Variants in PDE7B observed in about 807,000 individuals in gnomAD.
PDE7B encodes 3',5'-cyclic-AMP phosphodiesterase 7B.
PDE7B carries 29 observed loss-of-function variants against 56.2 expected under a neutral mutation model. The ratio of observed to expected loss-of-function variants is 0.52; its 90% CI spans 0.38 to 0.70. The LOEUF is 0.70. Ranked by LOEUF, PDE7B falls within the 30% of genes least tolerant of loss-of-function variation. The pLI is 0.00. For synonymous variants in PDE7B, 197 were observed against 196.9 expected, an observed-to-expected ratio of 1.00 and a Z score of 0.00; for missense variants, 490 against 565.0, an observed-to-expected ratio of 0.87 and a Z score of 1.35.
At chr6:135,892,447 T>G (rs1348847872) in intron 1 of PDE7B, among the ~76,000 whole-genome samples, 1 of 152,206 alleles carries the variant, frequency 6.6e-6, no homozygotes, top group Non-Finnish European at 1.5e-5. Context: ...TTGATCCATA[T>G]GACCATATGA....
intron 1 of PDE7B, among the ~76,000 whole-genome samples, chr6:135,867,609 G>A (rs1374735286): frequency 1.3e-5 from 2 of 152,094 alleles, no homozygotes; most frequent in Admixed American, 1.3e-4. Context: ...GTAGGCCCCA[G>A]TGTGCACTGT....
At chr6:136,020,006 T>C (rs1489062208) in intron 2 of PDE7B, among the ~76,000 whole-genome samples, 1 of 152,168 alleles carries the variant, frequency 6.6e-6, no homozygotes, top group Non-Finnish European at 1.5e-5. Flanking sequence ...ACCTATGTTA[T>C]TCAAGGGTCA....
chr6:135,918,717 G>T (rs1774005628), intron 1 of PDE7B, among the ~76,000 whole-genome samples: 1 of 152,060 alleles, frequency 6.6e-6, no homozygotes, highest in African/African-American at 2.4e-5. Flanking sequence ...AGCTCCTGTG[G>T]GTGACTTATG....
intron 11 of PDE7B, among the ~76,000 whole-genome samples, chr6:136,181,761 TAA>T (rs534092328): frequency 6.9e-6 from 1 of 145,932 alleles, no homozygotes; most frequent in South Asian, 2.2e-4. Flanking sequence ...CTTGCTTTCT[TAA>T]AAAAAAAAAA....
intron 1 of PDE7B, among the ~76,000 whole-genome samples, chr6:135,922,292 G>A (rs975832814): frequency 6.6e-6 from 1 of 152,140 alleles, no homozygotes; most frequent in African/African-American, 2.4e-5. Flanking sequence ...ATGGGAACCA[G>A]GGAATCATTT....
chr6:136,158,284 A>G (rs1023166543), intron 8 of PDE7B, among the ~76,000 whole-genome samples: 2 of 152,042 alleles, frequency 1.3e-5, no homozygotes, highest in African/African-American at 2.4e-5. Flanking sequence ...AGTTACTCTT[A>G]TCAAATTTTA....
intron 1 of PDE7B, among the ~76,000 whole-genome samples, chr6:135,886,631 C>T (rs1775714410): frequency 6.6e-6 from 1 of 152,098 alleles, no homozygotes; most frequent in South Asian, 2.1e-4. Context: ...TTTGCTTTTC[C>T]ATTCCTGAGC....
chr6:135,969,692 C>T (rs1213263652), intron 2 of PDE7B, among the ~76,000 whole-genome samples: 4 of 152,088 alleles, frequency 2.6e-5, no homozygotes, highest in Admixed American at 2.6e-4. Flanking sequence ...TAGGCAATAC[C>T]ATTCAGGACA....
At chr6:136,056,934 C>T (rs773321479) in intron 2 of PDE7B, among the ~76,000 whole-genome samples, 2 of 152,038 alleles carry the variant, frequency 1.3e-5, no homozygotes, top group Non-Finnish European at 2.9e-5. Flanking sequence ...CCCCTTTGGC[C>T]CTATCATTAG....
At chr6:136,139,017 G>A (rs1202628984) in intron 3 of PDE7B, among the ~76,000 whole-genome samples, 1 of 152,088 alleles carries the variant, frequency 6.6e-6, no homozygotes, top group East Asian at 1.9e-4. Context: ...TGTGCACGAT[G>A]TGCAGGTTTG....
At chr6:136,009,972 CTTGTCTTCTGCTAGCT>C (rs1294284330) in intron 2 of PDE7B, among the ~76,000 whole-genome samples, 2 of 152,254 alleles carry the variant, frequency 1.3e-5, no homozygotes, top group East Asian at 3.9e-4. Context: ...ATTTCGATTA[CTTGTCTTCTGCTAGCT>C]TTGGGGTTGA....
chr6:136,088,992 C>T lies in PDE7B; in HGVS notation c.83-19739C>T, dbSNP rs540268699. Among the ~76,000 whole-genome samples, 21 of 149,698 alleles carry T rather than the reference C, an allele frequency of 1.4e-4. No homozygotes were observed. In the East Asian group the frequency reaches 1.7e-3, roughly 12 times the overall value. Reference sequence around the variant, plus strand: ...ATCCCCAGCCTGTATGCCTTTCCCCCGCCAAAAAAAAAAAGAAACACGGGG... The same window carrying T: ...ATCCCCAGCCTGTATGCCTTTCCCCTGCCAAAAAAAAAAAGAAACACGGGG... On this transcript the variant is annotated intron_variant, in intron 2 of 12. Transcript: ENST00000308191.
intron 1 of PDE7B, among the ~76,000 whole-genome samples, chr6:135,882,291 TACTG>T (rs1372527379): frequency 6.6e-6 from 1 of 152,210 alleles, no homozygotes; most frequent in Non-Finnish European, 1.5e-5. Context: ...TTCCCTGAGT[TACTG>T]ACAGCGCTAA....
chr6:136,004,783 G>A (rs1004570263), intron 2 of PDE7B, among the ~76,000 whole-genome samples: 39 of 152,228 alleles, frequency 2.6e-4, no homozygotes, highest in African/African-American at 8.9e-4. Flanking sequence ...ACTGCCCAAG[G>A]TAATTTATAG....
chr6:135,854,414 ACTCT>A (rs535753090), intron 1 of PDE7B, among the ~76,000 whole-genome samples: 11 of 151,764 alleles, frequency 7.2e-5, no homozygotes, highest in South Asian at 6.3e-4. Context: ...TTGATTGGAA[ACTCT>A]CTATCTACAG....
At position 136,154,161 on chromosome 6, in the gene PDE7B, C is replaced by G; in HGVS notation, c.565C>G (p.Leu189Val). Residue 189 changes from leucine to valine, a missense_variant, in exon 7 of 13, where the codon CTG (leucine) becomes GTG (valine). Physicochemically the swap from Leu to Val is conservative, Grantham distance 32 (BLOSUM62 1). Coordinates refer to ENST00000308191, the MANE Select transcript of PDE7B (RefSeq NM_018945.4). The part of the protein sequence containing the change: ...ADVTQAMHCY[L>V]KEPKLASFLT... Reference sequence around the variant, plus strand: ...CGTCACCCAGGCCATGCACTGCTACCTGAAAGAGCCAAAGGTAAGACAAGA... The same window carrying G: ...CGTCACCCAGGCCATGCACTGCTACGTGAAAGAGCCAAAGGTAAGACAAGA... The G allele has an allele frequency of 6.2e-7, 1 of 1,611,600 alleles. No individual in the cohort carries two copies. The highest frequency in any genetic ancestry group is 8.5e-7 in the Non-Finnish European group (1 of 1,177,846).
At chr6:136,037,551 C>G in intron 2 of PDE7B, 1 of 985,440 alleles carries the variant, frequency 1.0e-6, no homozygotes, top group South Asian at 4.7e-5. Context: ...GCCCCCCAAC[C>G]CCCATCAGGC....
chr6:136,189,693 C>G (rs1779191736), intron 12 of PDE7B, among the ~76,000 whole-genome samples: 1 of 152,176 alleles, frequency 6.6e-6, no homozygotes, highest in Non-Finnish European at 1.5e-5. Flanking sequence ...TCTGAGGCTA[C>G]CATTCCTCCC....
At chr6:136,067,853 G>A (rs1776972890) in intron 2 of PDE7B, among the ~76,000 whole-genome samples, 1 of 152,158 alleles carries the variant, frequency 6.6e-6, no homozygotes, top group South Asian at 2.1e-4. Flanking sequence ...TTTGAGATGA[G>A]TGGAACACAC....
Sources: gnomAD v4.1 joint callset for allele counts (sites outside exome capture counted in the v4.1 genomes callset) on GRCh38, gnomAD v4.1.1 for gene constraint, MANE v1.5 for transcripts, NCBI Gene and HGNC (gene_info 2026-07-23, HGNC 2026-07-21) for gene names.